The following PLCE1 variants were observed in gnomAD, a reference collection of about 807,000 sequenced individuals.
The protein encoded by PLCE1 is phospholipase C epsilon 1.
Under a neutral mutation model 242.8 loss-of-function variants are expected in PLCE1, and 119 were observed. That is an observed-to-expected ratio of 0.49 (90% CI 0.42 to 0.57). The LOEUF (loss-of-function observed/expected upper bound fraction) is 0.57, where lower values mean the gene tolerates loss of function less well. Among genes scored for constraint, PLCE1 ranks in the 20% least tolerant of loss-of-function variants. The pLI, the probability that PLCE1 is intolerant of heterozygous loss-of-function variation, is 0.00. For missense variants in PLCE1, 2,441 were observed against 2,788.8 expected (o/e 0.88, Z 2.81); for synonymous variants, 945 against 1,017.4 (o/e 0.93, Z 1.35).
chr10:94,032,182 T>C lies in PLCE1; in HGVS notation c.1136T>C (p.Met379Thr). 1.2e-6 allele frequency: 2 copies of C among 1,611,834 alleles called. No homozygotes were observed. Among genetic ancestry groups the C allele is most frequent in the South Asian group, 2.2e-5 (2 of 90,430 alleles). The change falls in exon 2 of 33, where the codon ATG becomes ACG. Residue 379 changes from methionine (M) to threonine (T), a missense_variant. Physicochemically the swap from Met to Thr is moderately conservative, Grantham distance 81. This residue lies in a region of PLCE1 where 733 missense variants were observed against 754.2 expected (regional missense o/e 0.97). Transcript: ENST00000371380. ...CCCTTACTGCCTTGTGGGAGAGTAA[T>C]GGAACCCCCGTCAACAGTGGAGATA... ...NGPLLPCGRVMEPPSTVEIRQ... is the reference protein window; with the variant it reads ...NGPLLPCGRVTEPPSTVEIRQ...
chr10:94,271,758 C>G (rs767457932), intron 18 of PLCE1, among the ~76,000 whole-genome samples: 29 of 152,118 alleles, frequency 1.9e-4, no homozygotes, highest in Non-Finnish European at 3.7e-4. Flanking sequence ...AATGTTTCAA[C>G]GTAGGTTCTT....
chr10:94,256,258 C>T (rs1017356852), intron 11 of PLCE1, among the ~76,000 whole-genome samples: 8 of 146,090 alleles, frequency 5.5e-5, no homozygotes, highest in African/African-American at 7.7e-5. Flanking sequence ...TGGGAGGTTC[C>T]GGCTGCAGTG....
chr10:94,230,798 G>A (rs1201409762), intron 5 of PLCE1, among the ~76,000 whole-genome samples: 2 of 151,728 alleles, frequency 1.3e-5, no homozygotes, highest in South Asian at 2.1e-4. Flanking sequence ...TTTTAGAGAT[G>A]GAGTCTTTCT....
At chr10:94,062,828 C>T (rs967485663) in intron 2 of PLCE1, among the ~76,000 whole-genome samples, 4 of 152,012 alleles carry the variant, frequency 2.6e-5, no homozygotes, top group Admixed American at 6.6e-5. Flanking sequence ...CATCAGGTTC[C>T]GGGAAAGTAC....
chr10:94,150,782 C>CT (rs2047250990), intron 3 of PLCE1, among the ~76,000 whole-genome samples: 1 of 152,174 alleles, frequency 6.6e-6, no homozygotes, highest in Non-Finnish European at 1.5e-5. Context: ...GCCCATGCCT[C>CT]TGAGCACTCT....
intron 3 of PLCE1, among the ~76,000 whole-genome samples, chr10:94,143,466 T>C (rs986353976): frequency 6.6e-6 from 1 of 152,244 alleles, no homozygotes; most frequent in Non-Finnish European, 1.5e-5. Flanking sequence ...GTAAGCCTCA[T>C]TTTAATGAGC....
chr10:94,046,912 A>G (rs1470907801), intron 2 of PLCE1, among the ~76,000 whole-genome samples: 1 of 152,236 alleles, frequency 6.6e-6, no homozygotes, highest in Non-Finnish European at 1.5e-5. Context: ...AACACGTTAC[A>G]AATGTTTCAG....
chr10:93,998,114 C>T (rs920164747), intron 1 of PLCE1, among the ~76,000 whole-genome samples: 1 of 152,192 alleles, frequency 6.6e-6, no homozygotes, highest in Admixed American at 6.5e-5. Flanking sequence ...TTCCTCTTTT[C>T]TTGTGGGAGT....
At chr10:94,185,359 G>T (rs1336340109) in intron 4 of PLCE1, among the ~76,000 whole-genome samples, 1 of 152,222 alleles carries the variant, frequency 6.6e-6, no homozygotes, top group Non-Finnish European at 1.5e-5. Flanking sequence ...AGCCAGGCAT[G>T]GTAGTGTGTG....
intron 2 of PLCE1, among the ~76,000 whole-genome samples, chr10:94,072,454 T>A (rs1227336206): frequency 1.3e-5 from 2 of 152,056 alleles, no homozygotes; most frequent in East Asian, 3.9e-4. Flanking sequence ...GTTTTTTGTA[T>A]TTTTAATAGA....
intron 2 of PLCE1, among the ~76,000 whole-genome samples, chr10:94,034,461 A>G (rs2061625993): frequency 6.6e-6 from 1 of 152,222 alleles, no homozygotes; most frequent in Admixed American, 6.5e-5. Context: ...GTACCTCATC[A>G]AGGTTACTTA....
intron 24 of PLCE1, 86 bp from the exon 25 acceptor site, chr10:94,304,395 AG>A: frequency 8.3e-7 from 1 of 1,208,902 alleles, no homozygotes; most frequent in Non-Finnish European, 1.2e-6. Context: ...ATTGATGCAA[AG>A]TTCTTTTGAA....
At chr10:94,197,110 G>A (rs535964611) in intron 4 of PLCE1, among the ~76,000 whole-genome samples, 1 of 152,126 alleles carries the variant, frequency 6.6e-6, no homozygotes, top group South Asian at 2.1e-4. Context: ...TTTTTGTCTG[G>A]CATCTTTCAC....
chr10:94,112,724 C>T (rs912936016), intron 2 of PLCE1, among the ~76,000 whole-genome samples: 1 of 152,138 alleles, frequency 6.6e-6, no homozygotes, highest in African/African-American at 2.4e-5. Flanking sequence ...CTCTAAGGTG[C>T]AGCCAGTTTG....
chr10:94,272,847 C>T lies in PLCE1; in HGVS notation c.4507-715C>T, dbSNP rs2051797242. On this transcript the variant is annotated intron_variant, in intron 18 of 32. Coordinates refer to ENST00000371380, the MANE Select transcript of PLCE1 (RefSeq NM_016341.4). Reference sequence around the variant, plus strand: ...AAATGTCCCCAAATATTAATGCCAACAAAACTAATTAACTTTTCATATTGT... The same window carrying T: ...AAATGTCCCCAAATATTAATGCCAATAAAACTAATTAACTTTTCATATTGT... Among the ~76,000 whole-genome samples the T allele has an allele frequency of 2.0e-5, 3 of 152,034 alleles. No individual in the cohort carries two copies. The South Asian group carries it at 6.2e-4, about 32-fold the overall frequency.
At chr10:94,231,834 A>G (rs896045797) in intron 5 of PLCE1, among the ~76,000 whole-genome samples, 1 of 152,186 alleles carries the variant, frequency 6.6e-6, no homozygotes, top group Non-Finnish European at 1.5e-5. Context: ...ATCTAATGCC[A>G]CTGCTGATCT....
intron 3 of PLCE1, 40 bp from the exon 4 acceptor site, chr10:94,171,140 C>A: frequency 3.2e-6 from 5 of 1,549,374 alleles, no homozygotes; most frequent in South Asian, 1.1e-5. Flanking sequence ...CAGGGGACAC[C>A]AGATTTGATG....
intron 14 of PLCE1, among the ~76,000 whole-genome samples, chr10:94,263,963 T>G (rs967064548): frequency 3.3e-5 from 5 of 152,188 alleles, no homozygotes; most frequent in African/African-American, 1.2e-4. Flanking sequence ...TCAACCTCAT[T>G]AGTCATTAAA....
intron 22 of PLCE1, among the ~76,000 whole-genome samples, chr10:94,292,473 C>T (rs138913049): frequency 3.5e-4 from 53 of 152,244 alleles, no homozygotes; most frequent in Non-Finnish European, 6.0e-4. Context: ...ACTTTCATGT[C>T]CCAAGCATTT....
Sources: allele counts gnomAD v4.1 joint callset (sites outside exome capture counted in the v4.1 genomes callset), GRCh38; gene constraint gnomAD v4.1.1; regional missense constraint gnomAD v4.1.1; transcripts MANE v1.5; gene names NCBI Gene and HGNC (gene_info 2026-07-23, HGNC 2026-07-21).